Variants in UGT1A7 observed in about 807,000 individuals in gnomAD.
UGT1A7 encodes the protein UDP-glucuronosyltransferase 1A7.
Under a neutral mutation model 45.6 loss-of-function variants are expected in UGT1A7, and 33 were observed. That is an observed-to-expected ratio of 0.72 (90% CI 0.55 to 0.97). UGT1A7 has a LOEUF of 0.97. UGT1A7 is among the 50% of genes least tolerant of loss of function. The probability of loss-of-function intolerance (pLI) is 0.00; values close to 1 mark genes in which losing one functional copy is unlikely to be tolerated. For missense variants in UGT1A7, 684 were observed against 666.2 expected (o/e 1.03, Z -0.29); for synonymous variants, 274 against 250.6 (o/e 1.09, Z -0.88).
intron 1 of UGT1A7, among the ~76,000 whole-genome samples, chr2:233,759,703 C>T (rs1054711590): frequency 1.3e-5 from 2 of 150,732 alleles, no homozygotes; most frequent in African/African-American, 4.9e-5. Context: ...CCTCATGGCG[C>T]GTGCTCGTGT....
intron 1 of UGT1A7, among the ~76,000 whole-genome samples, chr2:233,738,023 C>T (rs1271674048): frequency 2.6e-5 from 4 of 151,816 alleles, no homozygotes. Context: ...AATTGTAATC[C>T]CCATAATCCC....
intron 1 of UGT1A7, chr2:233,755,014 G>A (rs1575730324): frequency 1.5e-6 from 2 of 1,293,190 alleles, no homozygotes; most frequent in Non-Finnish European, 2.1e-6. Context: ...TACTCGAAGG[G>A]GTCCTTGAAG....
At chr2:233,771,698 A>G (rs892218397) in intron 4 of UGT1A7, 1 of 152,738 alleles carries the variant, frequency 6.5e-6, no homozygotes, top group Non-Finnish European at 1.5e-5. Flanking sequence ...GAAGAAGAGT[A>G]GGAAGCAAGG....
At chr2:233,753,801 T>C (rs1243795738) in intron 1 of UGT1A7, 1 of 152,208 alleles carries the variant, frequency 6.6e-6, no homozygotes, top group Admixed American at 6.5e-5. Context: ...GGACCTACCA[T>C]AGTTGGAGAA....
Position 233,682,035 on chromosome 2 carries a change from T to C in UGT1A7, c.98T>C (p.Met33Thr), listed in dbSNP as rs776447036. The change falls in exon 1 of 5, where the codon ATG becomes ACG. Residue 33 changes from methionine to threonine, a missense_variant. By Grantham distance (81) the Met-to-Thr change is moderately conservative. Transcript: ENST00000373426. ...GCAGGGAAGCTGCTGGTAGTGCCCA[T>C]GGATGGGAGCCACTGGTTCACCATG... ...AKAGKLLVVP[M>T]DGSHWFTMQS... 1.2e-6 allele frequency: 2 copies of C among 1,614,106 alleles called. No homozygotes were observed. The highest frequency in any genetic ancestry group is 2.2e-5 in the South Asian group (2 of 91,086).
chr2:233,688,240 G>C lies in UGT1A7; in HGVS notation c.855+5448G>C, dbSNP rs546662065. ...CTTATCCATGTTGTAGCATGAATCA[G>C]TATTTCATTCCTTTACATGGCCGAA... On this transcript the variant is annotated intron_variant, in intron 1 of 4. Coordinates refer to ENST00000373426, the MANE Select transcript of UGT1A7 (RefSeq NM_019077.3). 9.8e-5 allele frequency among the ~76,000 whole-genome samples: 15 copies of C among 152,328 alleles called. No individual in the cohort carries two copies. In the South Asian group the frequency reaches 3.1e-3, roughly 32 times the overall value.
chr2:233,768,108 G>C, intron 3 of UGT1A7, 112 bp from the exon 4 acceptor site: 1 of 1,594,934 alleles, frequency 6.3e-7, no homozygotes, highest in South Asian at 1.1e-5. Flanking sequence ...GCAAATTTCT[G>C]CAAGGGCATG....
At chr2:233,764,546 TGGGA>T (rs1045982534) in intron 1 of UGT1A7, among the ~76,000 whole-genome samples, 5 of 152,234 alleles carry the variant, frequency 3.3e-5, no homozygotes, top group African/African-American at 1.2e-4. Context: ...AGTGGGCGTG[TGGGA>T]GGGTGTGCCT....
At chr2:233,755,480 A>T (rs574050472) in intron 1 of UGT1A7, 1 of 211,322 alleles carries the variant, frequency 4.7e-6, no homozygotes, top group Non-Finnish European at 9.7e-6. Flanking sequence ...AGGCTCTGTG[A>T]GGCCCTGTGA....
chr2:233,767,766 CT>C, intron 2 of UGT1A7, 82 bp from the exon 3 acceptor site: 1 of 1,609,200 alleles, frequency 6.2e-7, no homozygotes, highest in South Asian at 1.1e-5. Flanking sequence ...CAGAGGACCC[CT>C]GTTTTCTAGT....
At chr2:233,697,112 T>C (rs1309108464) in intron 1 of UGT1A7, among the ~76,000 whole-genome samples, 2 of 152,140 alleles carry the variant, frequency 1.3e-5, no homozygotes, top group African/African-American at 2.4e-5. Context: ...TTGGAAGTAT[T>C]CTCTCCTCTT....
rs192671736 is a variant in UGT1A7, at chr2:233,743,440, G to T, written c.856-23594G>T. 5.4e-5 allele frequency: 74 copies of T among 1,361,822 alleles called. 1 individual carries two copies. The African/African-American group carries it at 9.7e-4, about 18-fold the overall frequency. The allele number at this position is 1,361,822 out of a possible 1,614,324, so 84.4% of individuals were successfully genotyped here. A position where few individuals can be genotyped will look rare whatever the true frequency, so the allele number is the denominator to read the frequency against. Reference sequence around the variant, plus strand: ...CAGGGAGCCAAAGGAACGAAATCCTGTATCAAAAGAAGAAAAAACACCCCC... The same window carrying T: ...CAGGGAGCCAAAGGAACGAAATCCTTTATCAAAAGAAGAAAAAACACCCCC... On this transcript the variant is annotated intron_variant, in intron 1 of 4. Transcript: ENST00000373426.
chr2:233,745,589 C>T (rs984719632), intron 1 of UGT1A7, among the ~76,000 whole-genome samples: 4 of 151,622 alleles, frequency 2.6e-5, no homozygotes, highest in East Asian at 1.9e-4. Flanking sequence ...ACCTGAGACC[C>T]GGACTTGGCA....
At chr2:233,716,425 C>T (rs967388404) in intron 1 of UGT1A7, among the ~76,000 whole-genome samples, 13 of 152,316 alleles carry the variant, frequency 8.5e-5, no homozygotes, top group African/African-American at 3.1e-4. Flanking sequence ...TTATTCAAAA[C>T]TTGGAGGTTT....
intron 1 of UGT1A7, among the ~76,000 whole-genome samples, chr2:233,741,104 C>CA (rs1259061877): frequency 6.6e-6 from 1 of 151,798 alleles, no homozygotes; most frequent in South Asian, 2.1e-4. Context: ...AACAGACAAT[C>CA]AAGCTTTACA....
rs774087755 is a variant in UGT1A7 at position 233,682,742 on chromosome 2, A to G, written c.805A>G (p.Met269Val). The change falls in exon 1 of 5, where the codon ATG (methionine) becomes GTG (valine). Residue 269 changes from methionine to valine, a missense_variant. Transcript: ENST00000373426. ...GTATCCCAAACCCGTGATGCCCAAT[A>G]TGATCTTCATTGGTGGTATCAACTG... ...LEYPKPVMPN[M>V]IFIGGINCHQ... 3 of 1,613,950 alleles carry G rather than the reference A, an allele frequency of 1.9e-6. No individual in the cohort carries two copies. The highest frequency in any genetic ancestry group is 2.5e-6 in the Non-Finnish European group (3 of 1,179,846).
chr2:233,689,778 T>C (rs192749623), intron 1 of UGT1A7: 1 of 339,482 alleles, frequency 2.9e-6, no homozygotes, highest in East Asian at 9.6e-5. Flanking sequence ...CGGGGACATA[T>C]GTTATGATGT....
chr2:233,693,625 A>G (rs1366188345), intron 1 of UGT1A7: 1 of 1,614,140 alleles, frequency 6.2e-7, no homozygotes, highest in East Asian at 2.2e-5. Flanking sequence ...CTTTTTCCCA[A>G]CGAGTGGCCA....
chr2:233,760,289 T>C, intron 1 of UGT1A7: 1 of 1,613,270 alleles, frequency 6.2e-7, no homozygotes. Flanking sequence ...AAAGGCGCCA[T>C]GGCTGTGGAG....
Sources: gnomAD v4.1 joint callset for allele counts (sites outside exome capture counted in the v4.1 genomes callset) on GRCh38, gnomAD v4.1.1 for gene constraint, MANE v1.5 for transcripts, NCBI Gene and HGNC (gene_info 2026-07-23, HGNC 2026-07-21) for gene names.